The following ZNF804B variants were observed in gnomAD, a reference collection of about 807,000 sequenced individuals.
ZNF804B encodes the protein zinc finger protein 804B.
ZNF804B carries 80 observed loss-of-function variants against 101.4 expected under a neutral mutation model. The ratio of observed to expected loss-of-function variants is 0.79; its 90% CI spans 0.66 to 0.95. ZNF804B has a LOEUF of 0.95. Among genes scored for constraint, ZNF804B ranks in the 40% least tolerant of loss-of-function variants. The pLI is 0.00. For synonymous variants in ZNF804B, 622 were observed against 558.8 expected (o/e 1.11, Z -1.59); for missense variants, 1,673 against 1,561.9 (o/e 1.07, Z -1.20).
intron 1 of ZNF804B, among the ~76,000 whole-genome samples, chr7:89,158,407 C>G (rs1281340562): frequency 6.6e-6 from 1 of 152,116 alleles, no homozygotes; most frequent in East Asian, 1.9e-4. Flanking sequence ...TGACCATATC[C>G]CGTTAGCTTC....
chr7:89,020,219 CT>C (rs1350072286), intron 1 of ZNF804B, among the ~76,000 whole-genome samples: 1 of 152,098 alleles, frequency 6.6e-6, no homozygotes, highest in Non-Finnish European at 1.5e-5. Context: ...GCAGGACTCT[CT>C]TAAGCATTTC....
chr7:89,268,627 G>A (rs1789835621), intron 2 of ZNF804B, among the ~76,000 whole-genome samples: 1 of 151,664 alleles, frequency 6.6e-6, no homozygotes, highest in Admixed American at 6.6e-5. Context: ...AAATTTAAGA[G>A]TCTTGTAATG....
At chr7:89,082,310 G>A (rs1789708913) in intron 1 of ZNF804B, among the ~76,000 whole-genome samples, 1 of 151,394 alleles carries the variant, frequency 6.6e-6, no homozygotes, top group South Asian at 2.1e-4. Flanking sequence ...TACTGGTTAG[G>A]CTTTTTTGAA....
At chr7:89,171,277 A>ATGT (rs1791220154) in intron 1 of ZNF804B, among the ~76,000 whole-genome samples, 1 of 110,262 alleles carries the variant, frequency 9.1e-6, no homozygotes, top group Non-Finnish European at 2.0e-5. Flanking sequence ...GGCACAAATA[A>ATGT]TGCTGCTGCT....
chr7:89,037,754 TG>T (rs1356177927), intron 1 of ZNF804B, among the ~76,000 whole-genome samples: 1 of 152,086 alleles, frequency 6.6e-6, no homozygotes, highest in Admixed American at 6.6e-5. Flanking sequence ...CTCCAGAATT[TG>T]TTCATCCTGC....
At chr7:89,120,703 G>A (rs1025263044) in intron 1 of ZNF804B, among the ~76,000 whole-genome samples, 3 of 149,812 alleles carry the variant, frequency 2.0e-5, no homozygotes, top group South Asian at 2.1e-4. Flanking sequence ...ACTTTTAGTC[G>A]TCAGCACCTT....
chr7:89,053,905 G>A (rs889496571), intron 1 of ZNF804B, among the ~76,000 whole-genome samples: 2 of 152,104 alleles, frequency 1.3e-5, no homozygotes, highest in African/African-American at 4.8e-5. Flanking sequence ...CCTTGTCTCA[G>A]ATGGGGAGAA....
intron 1 of ZNF804B, among the ~76,000 whole-genome samples, chr7:88,893,188 G>A (rs1342396254): frequency 1.3e-5 from 2 of 151,936 alleles, no homozygotes; most frequent in Non-Finnish European, 2.9e-5. Flanking sequence ...CATTTGATAT[G>A]GTAAGCACAT....
intron 1 of ZNF804B, among the ~76,000 whole-genome samples, chr7:89,155,894 TTTC>T (rs1269504386): frequency 1.3e-5 from 2 of 152,046 alleles, no homozygotes; most frequent in Admixed American, 6.6e-5. Context: ...CTTCTCTCTC[TTTC>T]TTCTTTCTTT....
intron 1 of ZNF804B, among the ~76,000 whole-genome samples, chr7:89,097,991 A>G (rs1583984595): frequency 6.6e-6 from 1 of 152,202 alleles, no homozygotes; most frequent in Non-Finnish European, 1.5e-5. Context: ...TTCAGAAGCT[A>G]TATAATAACA....
intron 2 of ZNF804B, among the ~76,000 whole-genome samples, chr7:89,304,775 C>T (rs1190234703): frequency 6.6e-6 from 1 of 151,884 alleles, no homozygotes; most frequent in Non-Finnish European, 1.5e-5. Flanking sequence ...AAGCACAGAC[C>T]TCCCATCTAA....
chr7:88,826,765 G>A (rs568202926), intron 1 of ZNF804B, among the ~76,000 whole-genome samples: 1 of 152,008 alleles, frequency 6.6e-6, no homozygotes, highest in African/African-American at 2.4e-5. Context: ...TTTTGCATAG[G>A]TTACATAATT....
intron 1 of ZNF804B, among the ~76,000 whole-genome samples, chr7:89,166,245 A>G (rs991027775): frequency 6.6e-6 from 1 of 152,178 alleles, no homozygotes; most frequent in African/African-American, 2.4e-5. Flanking sequence ...ACCAAGTTGT[A>G]CATTTAACCT....
chr7:89,173,833 G>T (rs1791276717), intron 1 of ZNF804B, among the ~76,000 whole-genome samples: 1 of 151,926 alleles, frequency 6.6e-6, no homozygotes, highest in African/African-American at 2.4e-5. Flanking sequence ...AGTTAGAGTA[G>T]TGATTCTTAT....
At chr7:88,807,046 G>T (rs1479148865) in intron 1 of ZNF804B, among the ~76,000 whole-genome samples, 1 of 152,074 alleles carries the variant, frequency 6.6e-6, no homozygotes, top group Non-Finnish European at 1.5e-5. Flanking sequence ...TGTTTTCTTT[G>T]TGACTTAAAA....
intron 1 of ZNF804B, among the ~76,000 whole-genome samples, chr7:88,951,760 T>C (rs1480990580): frequency 1.3e-5 from 2 of 151,812 alleles, no homozygotes; most frequent in Non-Finnish European, 2.9e-5. Context: ...ACTCAAACTT[T>C]AAAACAAAAC....
chr7:89,317,519 A>G (rs1030057682), intron 2 of ZNF804B, among the ~76,000 whole-genome samples: 2 of 152,236 alleles, frequency 1.3e-5, no homozygotes, highest in African/African-American at 4.8e-5. Flanking sequence ...ATGAGAGAGA[A>G]TATCAAGTAA....
intron 2 of ZNF804B, among the ~76,000 whole-genome samples, chr7:89,274,035 A>G (rs775132800): frequency 6.6e-6 from 1 of 151,828 alleles, no homozygotes; most frequent in Non-Finnish European, 1.5e-5. Flanking sequence ...CTAAAAATCC[A>G]TTCTTAATGC....
chr7:88,817,692 A>G (rs28378154), intron 1 of ZNF804B, among the ~76,000 whole-genome samples: 31,727 of 152,116 alleles, frequency 0.21, 3,637 homozygotes, highest in East Asian at 0.45. Flanking sequence ...ATTCATCACA[A>G]CTAATAAACC....
Sources: allele counts gnomAD v4.1 joint callset (sites outside exome capture counted in the v4.1 genomes callset), GRCh38; gene constraint gnomAD v4.1.1; transcripts MANE v1.5; gene names NCBI Gene and HGNC (gene_info 2026-07-23, HGNC 2026-07-21).